The following ZNF718 variants were observed in gnomAD, a reference collection of about 807,000 sequenced individuals.
ZNF718 encodes the protein zinc finger protein 718.
A neutral mutation model predicts 2.6 loss-of-function variants in ZNF718; 3 were observed. The observed-to-expected ratio is 1.16, with a 90% CI of 0.53 to 3.01. ZNF718 has a LOEUF of 3.01. Ranked by LOEUF, ZNF718 falls within the 30% of genes most tolerant of loss-of-function variation. The pLI is 0.03. For synonymous variants in ZNF718, 135 were observed against 77.9 expected (o/e 1.73, Z -3.86); for missense variants, 468 against 230.0 (o/e 2.03, Z -6.69).
intron 3 of ZNF718, among the ~76,000 whole-genome samples, chr4:192,593 G>A (rs1581486003): frequency 6.6e-6 from 1 of 152,230 alleles, no homozygotes; most frequent in East Asian, 1.9e-4. Context: ...GAGGTTGGCT[G>A]GACAACTCTT....
intron 3 of ZNF718, among the ~76,000 whole-genome samples, chr4:151,965 A>G (rs1474083308): frequency 2.7e-5 from 4 of 149,938 alleles, no homozygotes; most frequent in African/African-American, 7.4e-5. Flanking sequence ...CAGGGTCACA[A>G]GACAATTGTG....
intron 3 of ZNF718, among the ~76,000 whole-genome samples, chr4:190,789 C>G (rs1279905951): frequency 1.3e-5 from 2 of 151,898 alleles, no homozygotes; most frequent in African/African-American, 4.8e-5. Context: ...GCTTGTAATC[C>G]CAGCACTTGG....
chr4:153,749 G>A (rs782570470), intron 3 of ZNF718, among the ~76,000 whole-genome samples: 1 of 152,052 alleles, frequency 6.6e-6, no homozygotes, highest in Non-Finnish European at 1.5e-5. Context: ...CACAAGAAGG[G>A]CCACATTTGA....
At position 185,452 on chromosome 4, in the gene ZNF718, G is replaced by A. The variant is rs549521528; in HGVS notation, c.227-15629G>A. 2.0e-5 allele frequency among the ~76,000 whole-genome samples: 3 copies of A among 152,294 alleles called. No individual in the cohort carries two copies. The South Asian group carries it at 6.2e-4, about 32-fold the overall frequency. On this transcript the variant is annotated intron_variant and NMD_transcript_variant, in intron 3 of 4. Transcript: ENST00000642529. Reference sequence around the variant, plus strand: ...GTCAATTTTAGAGTAAGTGATATGTGGTGATGAGAACAATGCATATTCTGT... The same window carrying A: ...GTCAATTTTAGAGTAAGTGATATGTAGTGATGAGAACAATGCATATTCTGT...
chr4:146,539 A>G (rs1261376913), intron 3 of ZNF718, among the ~76,000 whole-genome samples: 1 of 152,108 alleles, frequency 6.6e-6, no homozygotes, highest in Non-Finnish European at 1.5e-5. Context: ...TCTTCTTGCT[A>G]CTGATATTTT....
intron 3 of ZNF718, among the ~76,000 whole-genome samples, chr4:138,253 A>T (rs1553809702): frequency 6.6e-6 from 1 of 152,074 alleles, no homozygotes; most frequent in Non-Finnish European, 1.5e-5. Flanking sequence ...TTATTTTTCT[A>T]CCCATTAATC....
chr4:143,013 A>T (rs1042239278), intron 3 of ZNF718, among the ~76,000 whole-genome samples: 5 of 152,200 alleles, frequency 3.3e-5, no homozygotes, highest in Non-Finnish European at 7.3e-5. Context: ...CTAGGATGTC[A>T]TATGGTCTCT....
intron 3 of ZNF718, among the ~76,000 whole-genome samples, chr4:159,911 A>G (rs1553814520): frequency 6.6e-6 from 1 of 152,222 alleles, no homozygotes; most frequent in Admixed American, 6.5e-5. Context: ...TTGTCCTCAC[A>G]TAGTCTGAAA....
rs185973661 is a variant in ZNF718, at chr4:196,584, G to A, written c.227-4497G>A. Among the ~76,000 whole-genome samples the A allele has an allele frequency of 2.3e-3, 351 of 152,330 alleles. 3 individuals are homozygous for A. The highest frequency in any genetic ancestry group is 7.8e-3 in the African/African-American group (324 of 41,588). On this transcript the variant is annotated intron_variant and NMD_transcript_variant, in intron 3 of 4. Coordinates refer to the ZNF718 transcript ENST00000642529. Reference sequence around the variant, plus strand: ...GAGGTATGGGTCAGAAGGAAAGGTAGGGGTGCATGCATAGGCAACTGTTGA... The same window carrying A: ...GAGGTATGGGTCAGAAGGAAAGGTAAGGGTGCATGCATAGGCAACTGTTGA...
At chr4:160,014 G>T (rs1204582052) in intron 3 of ZNF718, among the ~76,000 whole-genome samples, 1 of 152,160 alleles carries the variant, frequency 6.6e-6, no homozygotes, top group Admixed American at 6.5e-5. Context: ...TCAGTTAAAA[G>T]AGTTTGTTCA....
At chr4:171,445 G>T (rs1340330604) in intron 3 of ZNF718, among the ~76,000 whole-genome samples, 1 of 152,172 alleles carries the variant, frequency 6.6e-6, no homozygotes, top group African/African-American at 2.4e-5. Context: ...CCCAGAGGTG[G>T]AGTCTACAGA....
intron 3 of ZNF718, among the ~76,000 whole-genome samples, chr4:159,755 T>C (rs1245872782): frequency 6.6e-6 from 1 of 152,210 alleles, no homozygotes; most frequent in Non-Finnish European, 1.5e-5. Flanking sequence ...TTTTAAATTT[T>C]GAATATCTTC....
chr4:126,182 C>T (rs1006080743), intron 1 of ZNF718, among the ~76,000 whole-genome samples: 8 of 152,212 alleles, frequency 5.3e-5, no homozygotes, highest in Non-Finnish European at 1.2e-4. Context: ...CCTTACGTGC[C>T]TACAAGAATT....
In ZNF718 at chr4:131,533, C is replaced by T. The variant is rs2108779679; in HGVS notation, c.226+28C>T. On this transcript the variant is annotated intron_variant, in intron 3 of 3. Transcript: ENST00000510175. ...AGGTGAGAGTGAATGGAGGAGAGGA[C>T]ACAGACAAGGAGGCCAAAAGTCAAG... is the stretch of plus-strand genomic sequence containing the variant. 5.1e-6 allele frequency: 2 copies of T among 389,520 alleles called. 1 individual carries two copies. The highest frequency in any genetic ancestry group is 1.6e-4 in the East Asian group (2 of 12,220). 24.1% of individuals were successfully genotyped at this position (389,520 alleles called of 1,614,324 possible).
At chr4:167,476 C>G (rs1717117213), downstream of ZNF718, among the ~76,000 whole-genome samples, 1 of 152,104 alleles carries the variant, frequency 6.6e-6, no homozygotes, top group Admixed American at 6.5e-5. Context: ...TTCTTCCTAC[C>G]CATGAGCGTG....
At chr4:145,440 T>C (rs1716006376) in intron 3 of ZNF718, among the ~76,000 whole-genome samples, 1 of 152,216 alleles carries the variant, frequency 6.6e-6, no homozygotes, top group South Asian at 2.1e-4. Context: ...CTCATAGTTA[T>C]AAAAGTCTAG....
chr4:157,061 A>G (rs1338217468), intron 3 of ZNF718, among the ~76,000 whole-genome samples: 1 of 134,868 alleles, frequency 7.4e-6, no homozygotes, highest in Non-Finnish European at 1.6e-5. Context: ...TGCCTCCAAC[A>G]TTGTTGTTTT....
At chr4:140,893 G>A (rs1346870563) in intron 3 of ZNF718, among the ~76,000 whole-genome samples, 1 of 152,174 alleles carries the variant, frequency 6.6e-6, no homozygotes, top group Non-Finnish European at 1.5e-5. Flanking sequence ...AAAATTATTG[G>A]TGGAATAAAA....
chr4:172,327 T>C (rs749288935), intron 3 of ZNF718, among the ~76,000 whole-genome samples: 112 of 152,350 alleles, frequency 7.4e-4, no homozygotes, highest in Non-Finnish European at 5.9e-4. Flanking sequence ...TAGTATTTCA[T>C]TGTGTGTAAA....
Sources: gnomAD v4.1 joint callset for allele counts (sites outside exome capture counted in the v4.1 genomes callset) on GRCh38, gnomAD v4.1.1 for gene constraint, MANE v1.5 for transcripts, NCBI Gene and HGNC (gene_info 2026-07-23, HGNC 2026-07-21) for gene names.